The following FOXN3 variants were observed in gnomAD, a reference collection of about 807,000 sequenced individuals.
FOXN3 encodes the protein forkhead box N3.
A neutral mutation model predicts 38.4 loss-of-function variants in FOXN3; 7 were observed. That is an observed-to-expected ratio of 0.18 (90% CI 0.10 to 0.34). The LOEUF (loss-of-function observed/expected upper bound fraction) is 0.34, where lower values mean the gene tolerates loss of function less well. Ranked by LOEUF, FOXN3 falls within the 10% of genes least tolerant of loss-of-function variation. The pLI is 1.00. For synonymous variants in FOXN3, 230 were observed against 242.2 expected, an observed-to-expected ratio of 0.95 and a Z score of 0.47; for missense variants, 456 against 613.4, an observed-to-expected ratio of 0.74 and a Z score of 2.71.
At chr14:89,189,093 T>C (rs562809737) in intron 4 of FOXN3, among the ~76,000 whole-genome samples, 1 of 152,202 alleles carries the variant, frequency 6.6e-6, no homozygotes, top group South Asian at 2.1e-4. Flanking sequence ...GGAACAAGTC[T>C]CCCTGAGAAT....
intron 2 of FOXN3, chr14:89,353,875 G>A (rs1047339442): frequency 4.7e-5 from 7 of 150,418 alleles, no homozygotes; most frequent in African/African-American, 7.3e-5. Flanking sequence ...TATTACAGGC[G>A]TGCATCACCA....
chr14:89,242,313 C>CAT (rs35761572), intron 4 of FOXN3, among the ~76,000 whole-genome samples: 89,772 of 149,920 alleles, frequency 0.6, 26,548 homozygotes, highest in East Asian at 0.66. Flanking sequence ...TCCCTGCCCT[C>CAT]ATATATATAT....
At chr14:89,506,990 C>G (rs1457044062) in intron 1 of FOXN3, among the ~76,000 whole-genome samples, 5 of 152,156 alleles carry the variant, frequency 3.3e-5, no homozygotes, top group Non-Finnish European at 7.3e-5. Context: ...AAACACTGCG[C>G]AAGGCCGCAG....
rs1306452390 is a variant in FOXN3 at position 89,159,876 on chromosome 14, A to G, written c.*2538T>C. 2.6e-5 allele frequency: 4 copies of G among 152,238 alleles called. No individual in the cohort carries two copies. Among genetic ancestry groups the G allele is most frequent in the Non-Finnish European group, 5.9e-5 (4 of 68,034 alleles). 9.4% of individuals were successfully genotyped at this position (152,238 alleles called of 1,614,324 possible). A position where few individuals can be genotyped will look rare whatever the true frequency, so the allele number is the denominator to read the frequency against. On this transcript the variant is annotated 3_prime_UTR_variant, in exon 6 of 6. Transcript: ENST00000557258. ...ATTCCCACCTACACCCTGAATAAAT[A>G]TGCTGGAAGTATTCAGCTTCAGGTC... is the stretch of plus-strand genomic sequence containing the variant.
At chr14:89,281,414 TG>T in intron 3 of FOXN3, among the ~76,000 whole-genome samples, 1 of 152,360 alleles carries the variant, frequency 6.6e-6, no homozygotes, top group South Asian at 2.1e-4. Flanking sequence ...CAACACTTCC[TG>T]GTGCCACCTG....
At chr14:89,344,060 C>G (rs1888697997) in intron 3 of FOXN3, among the ~76,000 whole-genome samples, 1 of 152,114 alleles carries the variant, frequency 6.6e-6, no homozygotes, top group Admixed American at 6.5e-5. Flanking sequence ...CCGCATCGAG[C>G]CGAGAAACTT....
chr14:89,202,981 G>A (rs1291609619), intron 4 of FOXN3, among the ~76,000 whole-genome samples: 1 of 149,666 alleles, frequency 6.7e-6, no homozygotes, highest in Admixed American at 6.7e-5. Flanking sequence ...CAGCTCTGGG[G>A]CAATGGTTAT....
At chr14:89,398,941 G>C (rs1307162167) in intron 2 of FOXN3, among the ~76,000 whole-genome samples, 2 of 152,222 alleles carry the variant, frequency 1.3e-5, no homozygotes, top group Non-Finnish European at 2.9e-5. Flanking sequence ...CCAAGATCGT[G>C]CCATTGCACT....
intron 1 of FOXN3, among the ~76,000 whole-genome samples, chr14:89,525,001 G>A (rs1214992670): frequency 2.0e-5 from 3 of 152,118 alleles, no homozygotes; most frequent in East Asian, 3.8e-4. Context: ...GCCTGAAGAA[G>A]TTACAGAAGA....
At chr14:89,482,787 G>A (rs189637303) in intron 1 of FOXN3, among the ~76,000 whole-genome samples, 73 of 149,434 alleles carry the variant, frequency 4.9e-4, no homozygotes, top group Non-Finnish European at 1.0e-3. Flanking sequence ...GCACGTGTCT[G>A]TAATCCCAGC....
At chr14:89,173,214 A>G (rs1192810950) in intron 5 of FOXN3, among the ~76,000 whole-genome samples, 2 of 152,250 alleles carry the variant, frequency 1.3e-5, no homozygotes, top group African/African-American at 4.8e-5. Context: ...AAAACTGTGC[A>G]ACATCTTTAG....
At chr14:89,478,892 A>G (rs35966280) in intron 1 of FOXN3, among the ~76,000 whole-genome samples, 14,356 of 133,080 alleles carry the variant, frequency 0.11, 839 homozygotes, top group African/African-American at 0.18. Context: ...AGATCTAGCC[A>G]TTGCACTCCA....
chr14:89,226,566 T>G (rs2073525668), intron 4 of FOXN3, among the ~76,000 whole-genome samples: 1 of 152,126 alleles, frequency 6.6e-6, no homozygotes, highest in Non-Finnish European at 1.5e-5. Flanking sequence ...ATTTACTCGC[T>G]AGAGTAGTAT....
rs1390720671 is a variant in FOXN3 at position 89,164,499 on chromosome 14, T to TC, written c.852-1531dup. 1.3e-5 allele frequency among the ~76,000 whole-genome samples: 2 copies of TC among 152,110 alleles called. No homozygotes were observed. The highest frequency in any genetic ancestry group is 2.9e-5 in the Non-Finnish European group (2 of 68,022). ...CTTACATCCCCTCCATAGAGGGCAC[T>TC]CCCCACCATCATTATGAACTGTGTG... is the stretch of plus-strand genomic sequence containing the variant. On this transcript the variant is annotated intron_variant, in intron 5 of 5. Transcript: ENST00000557258. This position sits in a 1 kb window ranked among gnomAD's most constrained non-coding sequence, Gnocchi z 4.3.
rs73319279 is a variant in FOXN3 at position 89,164,119 on chromosome 14, C to G, written c.852-1150G>C. ...GTGCCTGGACCACGGCTTGGCCTGACAGCAATGGCTGTGAAGCTTATTCCT... is the reference window on the plus strand; with the variant it reads ...GTGCCTGGACCACGGCTTGGCCTGAGAGCAATGGCTGTGAAGCTTATTCCT... On this transcript the variant is annotated intron_variant, in intron 5 of 5. Transcript: ENST00000557258. This position sits in a 1 kb window ranked among gnomAD's most constrained non-coding sequence, Gnocchi z 4.3. Among the ~76,000 whole-genome samples the G allele has an allele frequency of 0.016, 2,437 of 152,346 alleles. 57 individuals are homozygous for G. The highest frequency in any genetic ancestry group is 0.056 in the African/African-American group (2,322 of 41,568).
intron 3 of FOXN3, among the ~76,000 whole-genome samples, chr14:89,309,974 T>C (rs964730517): frequency 1.3e-5 from 2 of 152,186 alleles, no homozygotes; most frequent in Non-Finnish European, 1.5e-5. Context: ...AACTCTTCTC[T>C]GTGTGAAAAT....
intron 3 of FOXN3, among the ~76,000 whole-genome samples, chr14:89,341,485 TATGA>T: frequency 6.6e-6 from 1 of 152,322 alleles, no homozygotes; most frequent in East Asian, 1.9e-4. Flanking sequence ...TCAAATCTTT[TATGA>T]ATGATGGGTT....
At chr14:89,559,425 C>A (rs1368435325) in intron 1 of FOXN3, among the ~76,000 whole-genome samples, 1 of 152,138 alleles carries the variant, frequency 6.6e-6, no homozygotes, top group East Asian at 1.9e-4. Flanking sequence ...CGCCTGTAAT[C>A]CCAGCACTTT....
intron 1 of FOXN3, among the ~76,000 whole-genome samples, chr14:89,466,707 C>A (rs1892980345): frequency 6.6e-6 from 1 of 152,176 alleles, no homozygotes; most frequent in South Asian, 2.1e-4. Context: ...TAAAGCCACC[C>A]CTCTAGCACG....
Sources: gnomAD v4.1 joint callset for allele counts (sites outside exome capture counted in the v4.1 genomes callset) on GRCh38, gnomAD v4.1.1 for gene constraint, Gnocchi (gnomAD v3.1) non-coding constraint, MANE v1.5 for transcripts, NCBI Gene and HGNC (gene_info 2026-07-23, HGNC 2026-07-21) for gene names.